ZNF138: variants seen among roughly 807,000 people sequenced by gnomAD.
ZNF138 encodes the protein zinc finger protein 138 (clone pHZ-32).
In ZNF138, 33 loss-of-function variants were observed where a neutral mutation model predicts 33.0. That is an observed-to-expected ratio of 1.00 (90% confidence interval 0.76 to 1.34). ZNF138 has a LOEUF of 1.34. ZNF138 is among the 40% of genes most tolerant of loss of function. The pLI, the probability that ZNF138 is intolerant of heterozygous loss-of-function variation, is 0.00. For synonymous variants in ZNF138, 139 were observed against 120.4 expected, an observed-to-expected ratio of 1.15 and a Z score of -1.01; for missense variants, 360 against 370.8, an observed-to-expected ratio of 0.97 and a Z score of 0.24.
intron 3 of ZNF138, among the ~76,000 whole-genome samples, chr7:64,827,875 T>A (rs1327008179): frequency 6.6e-6 from 1 of 152,220 alleles, no homozygotes; most frequent in African/African-American, 2.4e-5. Flanking sequence ...TGTATTTTGA[T>A]GTTTATATTG....
chr7:64,857,943 A>G, the ZNF138 span, among the ~76,000 whole-genome samples: 1 of 152,228 alleles, frequency 6.6e-6, no homozygotes, highest in Non-Finnish European at 1.5e-5. Flanking sequence ...AGCGTTTGAT[A>G]TTGTAGAACT....
In ZNF138 at chr7:64,797,088, A is replaced by G. The variant is rs549042489; in HGVS notation, c.3+2517A>G. On this transcript the variant is annotated intron_variant, in intron 1 of 3. Coordinates refer to ENST00000307355, the MANE Select transcript of ZNF138 (RefSeq NM_001271639.2). ...GAAAGAAAATGAATACATTTCCACA[A>G]GAAGATGTGGTAGATAATTGGTGAG... Among the ~76,000 whole-genome samples the G allele has an allele frequency of 8.5e-5, 13 of 152,264 alleles. 1 individual carries two copies. The South Asian group carries it at 2.5e-3, about 29-fold the overall frequency.
At chr7:64,840,017 T>C in the ZNF138 span, among the ~76,000 whole-genome samples, 3 of 152,032 alleles carry the variant, frequency 2.0e-5, no homozygotes, top group African/African-American at 7.2e-5. Context: ...CGGTTGAGTT[T>C]CGCGCTTCTG....
At chr7:64,838,327 A>C (rs1330650661), downstream of ZNF138, among the ~76,000 whole-genome samples, 1 of 152,030 alleles carries the variant, frequency 6.6e-6, no homozygotes, top group Non-Finnish European at 1.5e-5. Flanking sequence ...GGGTTTGGGC[A>C]CTGTTTTGCC....
At chr7:64,836,026 A>C (rs1389800276), downstream of ZNF138, 3 of 152,170 alleles carry the variant, frequency 2.0e-5, no homozygotes, top group African/African-American at 7.2e-5. Flanking sequence ...TGAGTTAAGA[A>C]CTTTAGTTAG....
chr7:64,842,302 T>G, the ZNF138 span, among the ~76,000 whole-genome samples: 1 of 125,038 alleles, frequency 8.0e-6, no homozygotes, highest in East Asian at 2.2e-4. Flanking sequence ...GACCTCGTGA[T>G]CTGCCCTCCT....
At chr7:64,808,758 T>A (rs1467384452) in intron 1 of ZNF138, among the ~76,000 whole-genome samples, 1 of 135,578 alleles carries the variant, frequency 7.4e-6, no homozygotes, top group Non-Finnish European at 1.7e-5. Context: ...AGTGTTTGTG[T>A]CCCTGGGTAC....
chr7:64,834,043 T>TA (rs1002077334), downstream of ZNF138, among the ~76,000 whole-genome samples: 43 of 152,152 alleles, frequency 2.8e-4, no homozygotes, highest in African/African-American at 9.6e-4. Context: ...GCCTTTAAAG[T>TA]AAAAAAAGAG....
At chr7:64,852,718 C>T in the ZNF138 span, 1 of 1,112,138 alleles carries the variant, frequency 9.0e-7, no homozygotes, top group African/African-American at 1.5e-5. Flanking sequence ...GAATATCCAG[C>T]CACTGATGCA....
intron 3 of ZNF138, among the ~76,000 whole-genome samples, chr7:64,826,831 G>A (rs1023440908): frequency 6.6e-6 from 1 of 151,648 alleles, no homozygotes; most frequent in East Asian, 1.9e-4. Flanking sequence ...TGTATTTTTA[G>A]TATAGACAAG....
At chr7:64,835,510 A>G (rs1386248520), downstream of ZNF138, 1 of 152,114 alleles carries the variant, frequency 6.6e-6, no homozygotes, top group Non-Finnish European at 1.5e-5. Context: ...GAAAACCACC[A>G]AGAAGGACCA....
At chr7:64,802,919 A>C (rs917153028) in intron 1 of ZNF138, among the ~76,000 whole-genome samples, 1 of 147,156 alleles carries the variant, frequency 6.8e-6, no homozygotes, top group Admixed American at 6.8e-5. Context: ...TCTTATGTTA[A>C]AAAAAAAAAA....
chr7:64,847,334 T>TATA, the ZNF138 span, among the ~76,000 whole-genome samples: 1,419 of 93,474 alleles, frequency 0.015, 19 homozygotes, highest in African/African-American at 0.053. Context: ...ATATATATAT[T>TATA]TTTTTTTTTT....
At chr7:64,798,622 C>CA (rs1209884116) in intron 1 of ZNF138, among the ~76,000 whole-genome samples, 1 of 151,102 alleles carries the variant, frequency 6.6e-6, no homozygotes, top group African/African-American at 2.4e-5. Flanking sequence ...AGAAACCCTA[C>CA]AAAAAAAATA....
At chr7:64,853,411 G>T in the ZNF138 span, 1 of 953,908 alleles carries the variant, frequency 1.0e-6, no homozygotes, top group Non-Finnish European at 1.6e-6. Flanking sequence ...CTGCGAGTTG[G>T]CTGGGTTCTT....
chr7:64,845,734 T>C, the ZNF138 span, among the ~76,000 whole-genome samples: 1 of 152,220 alleles, frequency 6.6e-6, no homozygotes, highest in East Asian at 1.9e-4. Flanking sequence ...CTTTTGAGAA[T>C]TGTCTTTTCG....
intron 2 of ZNF138, among the ~76,000 whole-genome samples, 163 bp from the exon 3 acceptor site, chr7:64,815,413 A>G (rs1163622802): frequency 6.6e-6 from 1 of 152,228 alleles, no homozygotes; most frequent in East Asian, 1.9e-4. Context: ...TTTTCTAAAT[A>G]TTTAGAATTT....
the ZNF138 span, chr7:64,853,015 C>T: frequency 2.7e-5 from 40 of 1,496,466 alleles, no homozygotes; most frequent in East Asian, 9.0e-4. Context: ...ATTCTGTGAC[C>T]CCCATTGCGT....
chr7:64,842,123 GC>G, the ZNF138 span, among the ~76,000 whole-genome samples: 1 of 152,198 alleles, frequency 6.6e-6, no homozygotes, highest in Non-Finnish European at 1.5e-5. Context: ...GAGTGCAGTG[GC>G]GTGATCTTGG....
Sources: gnomAD v4.1 joint callset for allele counts (sites outside exome capture counted in the v4.1 genomes callset) on GRCh38, gnomAD v4.1.1 for gene constraint, MANE v1.5 for transcripts, NCBI Gene and HGNC (gene_info 2026-07-23, HGNC 2026-07-21) for gene names.